The following PLIN3 variants were observed in gnomAD, a reference collection of about 807,000 sequenced individuals.
PLIN3 encodes the protein perilipin-3.
PLIN3 carries 30 observed loss-of-function variants against 35.9 expected under a neutral mutation model. The ratio of observed to expected loss-of-function variants is 0.84; its 90% CI spans 0.62 to 1.13. PLIN3 has a LOEUF of 1.13. Among genes scored for constraint, PLIN3 ranks in the 50% most tolerant of loss-of-function variants. The probability of loss-of-function intolerance (pLI) is 0.00; values close to 1 mark genes in which losing one functional copy is unlikely to be tolerated. For synonymous variants in PLIN3, 261 were observed against 262.5 expected (o/e 0.99, Z 0.06); for missense variants, 603 against 596.9 (o/e 1.01, Z -0.11).
intron 4 of PLIN3, among the ~76,000 whole-genome samples, chr19:4,853,296 C>A (rs1206546337): frequency 6.6e-6 from 1 of 151,894 alleles, no homozygotes; most frequent in Admixed American, 6.6e-5. Context: ...TACCACCACT[C>A]GTGGCTATTT....
intron 4 of PLIN3, among the ~76,000 whole-genome samples, chr19:4,855,751 C>T (rs2030453621): frequency 6.6e-6 from 1 of 151,982 alleles, no homozygotes; most frequent in African/African-American, 2.4e-5. Flanking sequence ...AGCAAGACCC[C>T]ATTCCTACAA....
At chr19:4,859,111 A>G (rs2146212888) in intron 4 of PLIN3, among the ~76,000 whole-genome samples, 1 of 152,344 alleles carries the variant, frequency 6.6e-6, no homozygotes, top group South Asian at 2.1e-4. Flanking sequence ...TAAGATTTTC[A>G]GTACTGTGGG....
At chr19:4,857,891 G>A (rs897064521) in intron 4 of PLIN3, among the ~76,000 whole-genome samples, 1 of 151,584 alleles carries the variant, frequency 6.6e-6, no homozygotes, top group Non-Finnish European at 1.5e-5. Flanking sequence ...CGGGAGAATC[G>A]CTTGAACCTG....
At chr19:4,849,491 G>A (rs990453652) in intron 5 of PLIN3, among the ~76,000 whole-genome samples, 10 of 151,860 alleles carry the variant, frequency 6.6e-5, no homozygotes, top group Non-Finnish European at 1.3e-4. Context: ...TAAATTTTTT[G>A]TAGAGATGGG....
intron 4 of PLIN3, 83 bp from the exon 5 acceptor site, chr19:4,852,384 C>A (rs1382655785): frequency 8.6e-6 from 13 of 1,503,750 alleles, no homozygotes; most frequent in Non-Finnish European, 1.2e-5. Context: ...TCCAGGGAGA[C>A]CGAGGCGGGG....
At chr19:4,841,146 C>A (rs1006778220) in intron 7 of PLIN3, among the ~76,000 whole-genome samples, 2 of 152,106 alleles carry the variant, frequency 1.3e-5, no homozygotes, top group African/African-American at 4.8e-5. Flanking sequence ...ACAAGAGAAA[C>A]GGAAACATAC....
intron 1 of PLIN3, among the ~76,000 whole-genome samples, chr19:4,863,961 T>C (rs2030758554): frequency 6.6e-6 from 1 of 152,096 alleles, no homozygotes; most frequent in African/African-American, 2.4e-5. Context: ...GAGACGGATT[T>C]CCGCTCTGTC....
intron 1 of PLIN3, chr19:4,866,707 C>CAGGT (rs2146221839): frequency 6.6e-6 from 1 of 152,396 alleles, no homozygotes; most frequent in East Asian, 1.9e-4. Flanking sequence ...GGCAGGGGGC[C>CAGGT]AGGTAGGCAG....
At chr19:4,850,590 T>A (rs2030256735) in intron 5 of PLIN3, among the ~76,000 whole-genome samples, 1 of 21,170 alleles carries the variant, frequency 4.7e-5, no homozygotes, top group Non-Finnish European at 1.2e-4. Flanking sequence ...CCGGCTAATT[T>A]TTTTTTTTTT....
intron 7 of PLIN3, among the ~76,000 whole-genome samples, chr19:4,843,510 A>AAAAAAAAAAAAAT (rs1555733213): frequency 1.1e-4 from 16 of 139,530 alleles, no homozygotes; most frequent in South Asian, 9.6e-4. Flanking sequence ...TCCATCTCAA[A>AAAAAAAAAAAAAT]AAATAAATAA....
Position 4,859,974 on chromosome 19 carries a change from G to A in PLIN3, c.117C>T (p.Cys39=), listed in dbSNP as rs375106601. The A allele has an allele frequency of 6.8e-6, 11 of 1,614,124 alleles. No homozygotes were observed. Among genetic ancestry groups the A allele is most frequent in the Middle Eastern group, 1.7e-4 (1 of 6,036 alleles). ...AGGCATAGGCTGCGGACACCATGTCGCAGGTGGAGCTGATCAGAGGCATGC... is the reference window on the plus strand; with the variant it reads ...AGGCATAGGCTGCGGACACCATGTCACAGGTGGAGCTGATCAGAGGCATGC... ...VASMPLISST[C]DMVSAAYAST... Residue 39 remains cysteine (C), a synonymous_variant, in exon 3 of 8, where the codon TGC becomes TGT. Coordinates refer to ENST00000221957, the MANE Select transcript of PLIN3 (RefSeq NM_005817.5).
At chr19:4,862,299 T>C (rs747630909) in intron 1 of PLIN3, among the ~76,000 whole-genome samples, 5 of 151,558 alleles carry the variant, frequency 3.3e-5, no homozygotes, top group Admixed American at 6.6e-5. Flanking sequence ...CCTGGCCAAT[T>C]TTTTGTATTT....
intron 4 of PLIN3, among the ~76,000 whole-genome samples, chr19:4,852,917 C>A (rs943845386): frequency 6.6e-6 from 1 of 151,712 alleles, no homozygotes; most frequent in Admixed American, 6.6e-5. Flanking sequence ...TGGGTTCAAG[C>A]GATTCTCCTG....
chr19:4,851,929 GT>G, intron 5 of PLIN3, 86 bp downstream of exon 5: 2 of 1,397,628 alleles, frequency 1.4e-6, no homozygotes. Context: ...GGCAGTGAGT[GT>G]CGGCACAGAC....
chr19:4,860,364 A>G (rs1263375712), intron 2 of PLIN3, among the ~76,000 whole-genome samples: 5 of 151,852 alleles, frequency 3.3e-5, no homozygotes, highest in Admixed American at 6.6e-5. Context: ...CACCACGCCC[A>G]GCTAATTTTT....
chr19:4,866,167 G>A (rs1329165081), intron 1 of PLIN3, among the ~76,000 whole-genome samples: 7 of 151,830 alleles, frequency 4.6e-5, no homozygotes, highest in East Asian at 1.9e-4. Flanking sequence ...ACAGGTGCCC[G>A]CCACCACGTC....
chr19:4,838,947 T>G lies in PLIN3; in HGVS notation c.*245A>C. Reference sequence around the variant, plus strand: ...GAGAACTTTCCTGAAAGATATTTTTTCTGGACATCTCTCTCTACTGACTGA... The same window carrying G: ...GAGAACTTTCCTGAAAGATATTTTTGCTGGACATCTCTCTCTACTGACTGA... On this transcript the variant is annotated 3_prime_UTR_variant, in exon 8 of 8. Coordinates refer to ENST00000221957, the MANE Select transcript of PLIN3 (RefSeq NM_005817.5). 2.7e-6 allele frequency: 1 copy of G among 368,844 alleles called. No individual in the cohort carries two copies. The highest frequency in any genetic ancestry group is 4.8e-6 in the Non-Finnish European group (1 of 206,376). 22.8% of individuals were successfully genotyped at this position (368,844 alleles called of 1,614,324 possible).
At chr19:4,841,808 G>C (rs1422544171) in intron 7 of PLIN3, among the ~76,000 whole-genome samples, 5 of 150,338 alleles carry the variant, frequency 3.3e-5, no homozygotes, top group Non-Finnish European at 5.9e-5. Context: ...AGGAGGCTGA[G>C]GCAGGAGAAT....
chr19:4,848,639 G>A (rs961809670), intron 5 of PLIN3, among the ~76,000 whole-genome samples: 1 of 152,188 alleles, frequency 6.6e-6, no homozygotes, highest in African/African-American at 2.4e-5. Context: ...GGCCAAGGCG[G>A]GCAGATCACT....
Sources: gnomAD v4.1 joint callset for allele counts (sites outside exome capture counted in the v4.1 genomes callset) on GRCh38, gnomAD v4.1.1 for gene constraint, MANE v1.5 for transcripts, NCBI Gene and HGNC (gene_info 2026-07-23, HGNC 2026-07-21) for gene names.